ANKRD11: variants seen among roughly 807,000 people sequenced by gnomAD.
ANKRD11 encodes ankyrin repeat domain-containing protein 11.
In ANKRD11, 17 loss-of-function variants were observed where a neutral mutation model predicts 195.7. The observed-to-expected ratio is 0.09, with a 90% CI of 0.06 to 0.13. The LOEUF (loss-of-function observed/expected upper bound fraction) is 0.13, where lower values mean the gene tolerates loss of function less well. Ranked by LOEUF, ANKRD11 falls within the 10% of genes least tolerant of loss-of-function variation. ANKRD11 has a pLI of 1.00. For synonymous variants in ANKRD11, 1,953 were observed against 1,528.1 expected, an observed-to-expected ratio of 1.28 and a Z score of -6.49; for missense variants, 3,735 against 3,566.1, an observed-to-expected ratio of 1.05 and a Z score of -1.21.
intron 2 of ANKRD11, among the ~76,000 whole-genome samples, chr16:89,375,237 T>C (rs2040370172): frequency 6.6e-6 from 1 of 152,122 alleles, no homozygotes; most frequent in African/African-American, 2.4e-5. Flanking sequence ...GTGACACTAA[T>C]CGTCTCCGCG....
At chr16:89,435,459 C>T (rs369838593) in intron 1 of ANKRD11, among the ~76,000 whole-genome samples, 1 of 152,130 alleles carries the variant, frequency 6.6e-6, no homozygotes, top group African/African-American at 2.4e-5. Flanking sequence ...TGGGTCTGTA[C>T]TACCTTTATG....
rs542527242 is a variant in ANKRD11 at position 89,440,711 on chromosome 16, G to A, written c.-144-22343C>T. On this transcript the variant is annotated intron_variant, in intron 1 of 12. Transcript: ENST00000301030. ...CCCAAAAAATCCAACTCACAGCAAC[G>A]TGGGCAGAGCCCTGGAGAAGCCAGA... is the stretch of plus-strand genomic sequence containing the variant. Among the ~76,000 whole-genome samples the A allele has an allele frequency of 5.9e-5, 9 of 152,306 alleles. 1 individual carries two copies. In the South Asian group the frequency reaches 6.2e-4, roughly 11 times the overall value.
intron 2 of ANKRD11, among the ~76,000 whole-genome samples, chr16:89,356,793 AAAG>A (rs1446782380): frequency 4.6e-5 from 7 of 151,202 alleles, no homozygotes; most frequent in Non-Finnish European, 8.8e-5. Flanking sequence ...AAAAAAAAAA[AAAG>A]AAAAAAGAAA....
chr16:89,412,570 AG>A (rs1236675886), intron 2 of ANKRD11: 3 of 152,224 alleles, frequency 2.0e-5, no homozygotes, highest in Admixed American at 2.0e-4. Flanking sequence ...ACATCTGGGA[AG>A]AAACAAGCAG....
intron 4 of ANKRD11, among the ~76,000 whole-genome samples, chr16:89,295,159 A>G (rs374687611): frequency 6.6e-6 from 1 of 152,244 alleles, no homozygotes; most frequent in East Asian, 1.9e-4. Flanking sequence ...GGTGGGAGCC[A>G]CTCCACAGCA....
chr16:89,373,545 A>T (rs2040287008), intron 2 of ANKRD11: 1 of 152,272 alleles, frequency 6.6e-6, no homozygotes, highest in South Asian at 2.1e-4. Context: ...GGGAGGCTAA[A>T]TATGGCTCAT....
At chr16:89,402,443 G>A (rs2041733070) in intron 2 of ANKRD11, among the ~76,000 whole-genome samples, 1 of 152,110 alleles carries the variant, frequency 6.6e-6, no homozygotes, top group South Asian at 2.1e-4. Context: ...ACATGAGGAA[G>A]CCGAGGCGGG....
chr16:89,272,116 C>T (rs144489336), intron 11 of ANKRD11: 2 of 152,126 alleles, frequency 1.3e-5, no homozygotes, highest in Non-Finnish European at 2.9e-5. Context: ...AGGAGACACA[C>T]AAATGGCCAA....
At chr16:89,276,341 C>T (rs756224145) in intron 9 of ANKRD11, among the ~76,000 whole-genome samples, 17 of 152,178 alleles carry the variant, frequency 1.1e-4, no homozygotes, top group African/African-American at 2.2e-4. Context: ...GACAGCGATG[C>T]GCATGGACAA....
intron 2 of ANKRD11, among the ~76,000 whole-genome samples, chr16:89,381,567 C>G (rs142986449): frequency 1.2e-3 from 189 of 152,266 alleles, no homozygotes; most frequent in African/African-American, 4.2e-3. Context: ...ATTATCCAAA[C>G]AAGTAACTTA....
chr16:89,298,602 G>T (rs761839939), intron 4 of ANKRD11, among the ~76,000 whole-genome samples: 1 of 152,218 alleles, frequency 6.6e-6, no homozygotes, highest in Non-Finnish European at 1.5e-5. Context: ...GAGTCCCGGG[G>T]TCCTCCATCA....
chr16:89,268,935 G>A (rs2032881767), intron 12 of ANKRD11, among the ~76,000 whole-genome samples: 1 of 152,214 alleles, frequency 6.6e-6, no homozygotes, highest in African/African-American at 2.4e-5. Context: ...GCCCTGCTCT[G>A]GGTGGGCCTG....
Position 89,286,160 on chromosome 16 carries a change from T to C in ANKRD11, c.771A>G (p.Gly257=), listed in dbSNP as rs761587397. 1.2e-6 allele frequency: 2 copies of C among 1,613,816 alleles called. No individual in the cohort carries two copies. The highest frequency in any genetic ancestry group is 4.5e-5 in the East Asian group (2 of 44,886). ...YKVVKLLLRY[G]GNPQQSNRKG... is the part of the protein sequence containing the mutation. ...TCCTGTTGCTCTGCTGCGGGTTCCC[T>C]CCGTACCGCAGCAGCAGCTTCACCA... is the stretch of plus-strand genomic sequence containing the variant. Residue 257 remains glycine, a synonymous_variant, in exon 8 of 13, where the codon GGA becomes GGG. Coordinates refer to ENST00000301030, the MANE Select transcript of ANKRD11 (RefSeq NM_013275.6).
chr16:89,324,241 T>C, intron 2 of ANKRD11: 1 of 1,206,870 alleles, frequency 8.3e-7, no homozygotes, highest in Non-Finnish European at 1.1e-6. Flanking sequence ...CTCAGACACA[T>C]GCTTGGTCAC....
rs2036293096 is a variant in ANKRD11, at chr16:89,306,776, ACAC to A, written c.88-1435_88-1433del. Among the ~76,000 whole-genome samples the A allele has an allele frequency of 1.1e-4, 4 of 36,694 alleles. 1 individual carries two copies. Among genetic ancestry groups the A allele is most frequent in the Admixed American group, 2.2e-4 (1 of 4,636 alleles). The allele number at this position is 36,694 out of a possible 152,430, so 24.1% of individuals were successfully genotyped here. A position where few individuals can be genotyped will look rare whatever the true frequency, so the allele number is the denominator to read the frequency against. ...GCGCCACTTACCTCCCACTCCGCAG[ACAC>A]GCGCCACCTACCTCCCACTCCGCAG... On this transcript the variant is annotated intron_variant, in intron 3 of 12. Coordinates refer to ENST00000301030, the MANE Select transcript of ANKRD11 (RefSeq NM_013275.6).
intron 2 of ANKRD11, among the ~76,000 whole-genome samples, chr16:89,395,257 G>C (rs1477185158): frequency 1.3e-5 from 2 of 152,260 alleles, no homozygotes; most frequent in African/African-American, 4.8e-5. Context: ...CTGAGCCCCA[G>C]GGAAGGGCTG....
chr16:89,448,880 C>T (rs1423686432), intron 1 of ANKRD11, among the ~76,000 whole-genome samples: 1 of 152,188 alleles, frequency 6.6e-6, no homozygotes, highest in East Asian at 1.9e-4. Flanking sequence ...CTCTGGCTCA[C>T]TCCATGAGCA....
intron 4 of ANKRD11, among the ~76,000 whole-genome samples, chr16:89,293,527 T>C (rs1305249824): frequency 0.024 from 873 of 36,994 alleles, 11 homozygotes; most frequent in African/African-American, 0.079. Context: ...GGAGGCGGGG[T>C]GGTGTTGGGG....
At chr16:89,307,480 A>G (rs1251967638) in intron 3 of ANKRD11, among the ~76,000 whole-genome samples, 3 of 152,204 alleles carry the variant, frequency 2.0e-5, no homozygotes, top group African/African-American at 7.2e-5. Context: ...AGCAGACCGG[A>G]GCCCACCTCT....
Sources: allele counts gnomAD v4.1 joint callset (sites outside exome capture counted in the v4.1 genomes callset), GRCh38; gene constraint gnomAD v4.1.1; transcripts MANE v1.5; gene names NCBI Gene and HGNC (gene_info 2026-07-23, HGNC 2026-07-21).